Variants in HMGCS1 observed in about 807,000 individuals in gnomAD.
HMGCS1 encodes the protein hydroxymethylglutaryl-CoA synthase, cytoplasmic.
HMGCS1 carries 9 observed loss-of-function variants against 52.3 expected under a neutral mutation model. That is an observed-to-expected ratio of 0.17 (90% CI 0.10 to 0.30). The LOEUF is 0.30. HMGCS1 is among the 10% of genes least tolerant of loss of function. The pLI, the probability that HMGCS1 is intolerant of heterozygous loss-of-function variation, is 1.00. For missense variants in HMGCS1, 320 were observed against 620.9 expected, an observed-to-expected ratio of 0.52 and a Z score of 5.15; for synonymous variants, 176 against 214.4, an observed-to-expected ratio of 0.82 and a Z score of 1.57.
At chr5:43,312,296 A>G (rs1290396710) in intron 1 of HMGCS1, among the ~76,000 whole-genome samples, 1 of 152,226 alleles carries the variant, frequency 6.6e-6, no homozygotes, top group Non-Finnish European at 1.5e-5. Context: ...ACCAGAACAC[A>G]TCATCCTACT....
At position 43,289,013 on chromosome 5, in the gene HMGCS1, T is replaced by C. The variant is rs1253738631; in HGVS notation, c.*2118A>G. 2.0e-5 allele frequency: 3 copies of C among 152,204 alleles called. No homozygotes were observed. Among genetic ancestry groups the C allele is most frequent in the African/African-American group, 7.2e-5 (3 of 41,458 alleles). 9.4% of individuals were successfully genotyped at this position (152,204 alleles called of 1,614,324 possible). A position where few individuals can be genotyped will look rare whatever the true frequency, so the allele number is the denominator to read the frequency against. On this transcript the variant is annotated 3_prime_UTR_variant, in exon 11 of 11. Coordinates refer to ENST00000325110, the MANE Select transcript of HMGCS1 (RefSeq NM_001098272.3). ...CACCACTAAATTTGCTCTTATTTGA[T>C]TGCCAGCCCTTAGTCTTAGCTTTTT...
rs757540267 is a variant in HMGCS1 at position 43,294,831 on chromosome 5, A to G, written c.936T>C (p.Asp312=). ...GDVKLEDTYF[D]RDVEKAFMKA... is the part of the protein sequence containing the mutation. The stretch of plus-strand genomic sequence containing the variant: ...TCATAAATGCCTTCTCCACATCTCT[A>G]TCAAAGTAGGTGTCTTCTAATTTAA... Residue 312 remains aspartate, a synonymous_variant, in exon 7 of 11, where the codon GAT becomes GAC. Transcript: ENST00000325110. 1 of 1,610,846 alleles carries G rather than the reference A, an allele frequency of 6.2e-7. No homozygotes were observed. The highest frequency in any genetic ancestry group is 8.5e-7 in the Non-Finnish European group (1 of 1,177,980).
rs1754175847 is a variant in HMGCS1 at position 43,299,078 on chromosome 5, A to C, written c.-10-103T>G. ...ATATTAAGAGTTTAGCAATCACCTG[A>C]AGTATTAGTTTCTTTAAGTTTAGTA... On this transcript the variant is annotated intron_variant, in intron 2 of 10. Transcript: ENST00000325110. The C allele has an allele frequency of 5.0e-6, 4 of 798,212 alleles. No individual in the cohort carries two copies. In the South Asian group the frequency reaches 7.5e-5, roughly 15 times the overall value. 49.4% of individuals were successfully genotyped at this position (798,212 alleles called of 1,614,324 possible).
At chr5:43,293,153 C>T (rs1340380911) in intron 8 of HMGCS1, among the ~76,000 whole-genome samples, 180 bp from the exon 9 acceptor site, 2 of 152,156 alleles carry the variant, frequency 1.3e-5, no homozygotes, top group African/African-American at 4.8e-5. Flanking sequence ...TGATGTCAGA[C>T]TAGAAATCTA....
chr5:43,296,904 A>G, intron 5 of HMGCS1, 98 bp downstream of exon 5: 1 of 827,594 alleles, frequency 1.2e-6, no homozygotes, highest in Non-Finnish European at 1.9e-6. Context: ...AGGATATTAA[A>G]TGAAGAATGC....
Position 43,287,797 on chromosome 5 carries a change from T to C in HMGCS1, c.*3334A>G, listed in dbSNP as rs1429975595. 2 of 152,164 alleles carry C rather than the reference T, an allele frequency of 1.3e-5. No homozygotes were observed. Among genetic ancestry groups the C allele is most frequent in the Non-Finnish European group, 2.9e-5 (2 of 68,048 alleles). 9.4% of individuals were successfully genotyped at this position (152,164 alleles called of 1,614,324 possible). A position where few individuals can be genotyped will look rare whatever the true frequency, so the allele number is the denominator to read the frequency against. ...ACGTCAGGGAGGCTGAAGTGAAAGG[T>C]ATACAGCTAGAATCCAAAGAGAGGT... On this transcript the variant is annotated 3_prime_UTR_variant, in exon 11 of 11. Coordinates refer to ENST00000325110, the MANE Select transcript of HMGCS1 (RefSeq NM_001098272.3).
chr5:43,311,113 TC>T (rs1367432877), intron 1 of HMGCS1, among the ~76,000 whole-genome samples: 1 of 152,100 alleles, frequency 6.6e-6, no homozygotes, highest in Non-Finnish European at 1.5e-5. Context: ...TCATTTGAGG[TC>T]AGGAGTTCAA....
chr5:43,298,131 C>T lies in HMGCS1; in HGVS notation c.452G>A (p.Arg151Gln). The change falls in exon 4 of 11, where the codon CGG (arginine) becomes CAG (glutamine). Residue 151 changes from arginine to glutamine, a missense_variant. Physicochemically the swap from Arg to Gln is conservative, Grantham distance 43. Transcript: ENST00000325110. This position sits in a 1 kb window ranked among gnomAD's most constrained non-coding sequence, Gnocchi z 5.6. ...NWIESSSWDG[R>Q]YALVVAGDIA... Reference sequence around the variant, plus strand: ...ATCTCCTGCAACTACCAGGGCATACCGTCCTGAAAAATATTTTTTGTTATT... The same window carrying T: ...ATCTCCTGCAACTACCAGGGCATACTGTCCTGAAAAATATTTTTTGTTATT... 2 of 1,601,152 alleles carry T rather than the reference C, an allele frequency of 1.2e-6. No individual in the cohort carries two copies. The highest frequency in any genetic ancestry group is 1.7e-6 in the Non-Finnish European group (2 of 1,176,212).
At chr5:43,304,666 C>A (rs566811400) in intron 2 of HMGCS1, among the ~76,000 whole-genome samples, 1 of 152,288 alleles carries the variant, frequency 6.6e-6, no homozygotes, top group African/African-American at 2.4e-5. Flanking sequence ...TGACATGTTT[C>A]ATTTGAAAAC....
chr5:43,300,109 T>C (rs1349216271), intron 2 of HMGCS1, among the ~76,000 whole-genome samples: 2 of 152,168 alleles, frequency 1.3e-5, no homozygotes, highest in Admixed American at 6.5e-5. Flanking sequence ...AGGTACCTTC[T>C]TCCCACCTTC....
rs765414893 is a variant in HMGCS1, at chr5:43,294,705, T to C, written c.1062A>G (p.Ala354=). The change falls in exon 7 of 11, where the codon GCA becomes GCG. Residue 354 remains alanine (A), a synonymous_variant. Transcript: ENST00000325110. ...TTTATACTTACTGTGCTAGAACAGA[T>C]GCAAGGGAACCATATACTGAAGATG... ...MYTSSVYGSL[A]SVLAQYSPQQ... is the part of the protein sequence containing the mutation. The C allele has an allele frequency of 6.2e-7, 1 of 1,608,642 alleles. No individual in the cohort carries two copies. The highest frequency in any genetic ancestry group is 8.5e-7 in the Non-Finnish European group (1 of 1,177,056).
rs368091917 is a variant in HMGCS1 at position 43,291,385 on chromosome 5, C to T, written c.1474-165G>A. ...CTTTTCATGAAGGGAACTCAATATC[C>T]ATTTTTCACCTTATGGTGAATTTAG... On this transcript the variant is annotated intron_variant, in intron 10 of 10. Transcript: ENST00000325110. Among the ~76,000 whole-genome samples the T allele has an allele frequency of 2.4e-4, 36 of 152,080 alleles. 1 individual carries two copies. Among genetic ancestry groups the T allele is most frequent in the African/African-American group, 8.7e-4 (36 of 41,504 alleles).
In HMGCS1 at chr5:43,294,036, T is replaced by C. The variant is rs778213840; in HGVS notation, c.1183+20A>G. 2.9e-5 allele frequency: 42 copies of C among 1,468,620 alleles called. No individual in the cohort carries two copies. The East Asian group carries it at 4.1e-4, about 14-fold the overall frequency. 91.0% of individuals were successfully genotyped at this position (1,468,620 alleles called of 1,614,324 possible). A position where few individuals can be genotyped will look rare whatever the true frequency, so the allele number is the denominator to read the frequency against. On this transcript the variant is annotated intron_variant, in intron 8 of 10. Coordinates refer to ENST00000325110, the MANE Select transcript of HMGCS1 (RefSeq NM_001098272.3). ...GGACTCAGTTCTCAATACATTCTTG[T>C]TGAAAGATTCAGCACTTACCCGGTG...
intron 2 of HMGCS1, among the ~76,000 whole-genome samples, chr5:43,306,032 G>A (rs1754557711): frequency 6.6e-6 from 1 of 152,112 alleles, no homozygotes; most frequent in Non-Finnish European, 1.5e-5. Context: ...AAAAAGGCGA[G>A]AAAAGGCAAC....
In HMGCS1 at chr5:43,298,275, A is replaced by C; in HGVS notation, c.449-141T>G. The C allele has an allele frequency of 1.3e-6, 1 of 797,266 alleles. No homozygotes were observed. The highest frequency in any genetic ancestry group is 1.9e-6 in the Non-Finnish European group (1 of 521,858). 49.4% of individuals were successfully genotyped at this position (797,266 alleles called of 1,614,324 possible). On this transcript the variant is annotated intron_variant, in intron 3 of 10. Transcript: ENST00000325110. This position sits in a 1 kb window ranked among gnomAD's most constrained non-coding sequence, Gnocchi z 5.6. ...AGAAAATGCTCTAATTTTTTTTTAA[A>C]ATTCATCTGCCAAGGCTCTGTCATC... is the stretch of plus-strand genomic sequence containing the variant.
rs1753655564 is a variant in HMGCS1, at chr5:43,289,783, T to C, written c.*1348A>G. On this transcript the variant is annotated 3_prime_UTR_variant, in exon 11 of 11. Transcript: ENST00000325110. ...TTGCAATCTGAAACATTATATTTCATATTTGTGTATATTTATTTTAGATAA... is the reference window on the plus strand; with the variant it reads ...TTGCAATCTGAAACATTATATTTCACATTTGTGTATATTTATTTTAGATAA... 6.6e-6 allele frequency: 1 copy of C among 152,640 alleles called. No individual in the cohort carries two copies. Among genetic ancestry groups the C allele is most frequent in the Admixed American group, 6.5e-5 (1 of 15,272 alleles). The allele number at this position is 152,640 out of a possible 1,614,324, so 9.5% of individuals were successfully genotyped here. A position where few individuals can be genotyped will look rare whatever the true frequency, so the allele number is the denominator to read the frequency against.
rs1405371161 is a variant in HMGCS1 at position 43,290,000 on chromosome 5, G to A, written c.*1131C>T. On this transcript the variant is annotated 3_prime_UTR_variant, in exon 11 of 11. Coordinates refer to ENST00000325110, the MANE Select transcript of HMGCS1 (RefSeq NM_001098272.3). ...AGTTTTGTTTGTTGTTGTTTTTTAA[G>A]GTAAAAGTCCTACTTCAGACCTTGA... 1.3e-5 allele frequency: 2 copies of A among 151,374 alleles called. No individual in the cohort carries two copies. Among genetic ancestry groups the A allele is most frequent in the East Asian group, 3.9e-4 (2 of 5,156 alleles). 9.4% of individuals were successfully genotyped at this position (151,374 alleles called of 1,614,324 possible). A position where few individuals can be genotyped will look rare whatever the true frequency, so the allele number is the denominator to read the frequency against.
intron 7 of HMGCS1, 149 bp from the exon 8 acceptor site, chr5:43,294,311 T>C (rs1579638382): frequency 8.3e-6 from 5 of 604,282 alleles, no homozygotes; most frequent in Admixed American, 2.9e-5. Flanking sequence ...AGTGTTAATA[T>C]TGCAGTAGGG....
chr5:43,311,318 T>TC lies in HMGCS1; in HGVS notation c.-70+2037dup, dbSNP rs1299331608. Among the ~76,000 whole-genome samples the TC allele has an allele frequency of 4.8e-3, 283 of 59,178 alleles. 1 individual carries two copies. The highest frequency in any genetic ancestry group is 0.017 in the African/African-American group (268 of 15,918). The allele number at this position is 59,178 out of a possible 152,430, so 38.8% of individuals were successfully genotyped here. Reference sequence around the variant, plus strand: ...TTGGGCGACAGAGCGAGATTCTGTCTCCCCAAAAAAAAAAAAAAAAAAAAA... The same window carrying TC: ...TTGGGCGACAGAGCGAGATTCTGTCTCCCCCAAAAAAAAAAAAAAAAAAAAA... On this transcript the variant is annotated intron_variant, in intron 1 of 10. Coordinates refer to ENST00000325110, the MANE Select transcript of HMGCS1 (RefSeq NM_001098272.3).
Sources: allele counts gnomAD v4.1 joint callset (sites outside exome capture counted in the v4.1 genomes callset), GRCh38; gene constraint gnomAD v4.1.1; non-coding constraint Gnocchi (gnomAD v3.1); transcripts MANE v1.5; gene names NCBI Gene and HGNC (gene_info 2026-07-23, HGNC 2026-07-21).